The following PCDH11X variants were observed in gnomAD, a reference collection of about 807,000 sequenced individuals.
PCDH11X encodes the protein protocadherin-11 X-linked.
A neutral mutation model predicts 53.3 loss-of-function variants in PCDH11X; 18 were observed. The ratio of observed to expected loss-of-function variants is 0.34; its 90% confidence interval spans 0.23 to 0.50. PCDH11X has a LOEUF of 0.50. Among genes scored for constraint, PCDH11X ranks in the 20% least tolerant of loss-of-function variants. The pLI is 0.98. For synonymous variants in PCDH11X, 279 were observed against 393.3 expected, an observed-to-expected ratio of 0.71 and a Z score of 3.44; for missense variants, 570 against 1,032.4, an observed-to-expected ratio of 0.55 and a Z score of 6.14.
intron 9 of PCDH11X, among the ~76,000 whole-genome samples, chrX:92,413,671 G>A (rs1351572217): frequency 1.8e-5 from 2 of 109,703 alleles, no homozygotes; most frequent in African/African-American, 3.3e-5. Flanking sequence ...CAGAGTGGCC[G>A]TTGTGACAGG....
intron 6 of PCDH11X, among the ~76,000 whole-genome samples, chrX:92,117,852 G>C (rs34685863): frequency 8.9e-6 from 1 of 111,938 alleles, no homozygotes; most frequent in Admixed American, 9.6e-5. Flanking sequence ...GTTTCTAGCA[G>C]AATGTAGTTC....
chrX:92,598,198 G>GT (rs1925838487), intron 10 of PCDH11X, among the ~76,000 whole-genome samples: 1 of 111,050 alleles, frequency 9.0e-6, no homozygotes, highest in Non-Finnish European at 1.9e-5. Context: ...ATCATATCCA[G>GT]TTAAGAAGCT....
At chrX:92,285,246 A>ATTTT (rs36047305) in intron 8 of PCDH11X, among the ~76,000 whole-genome samples, 3 of 40,762 alleles carry the variant, frequency 7.4e-5, no homozygotes, top group Admixed American at 3.2e-4. Context: ...AGACTGTAGA[A>ATTTT]TTTTTTTTTT....
Position 92,256,218 on chromosome X carries a change from G to A in PCDH11X, c.3115-6896G>A, listed in dbSNP as rs764354454. Among the ~76,000 whole-genome samples, 23 of 111,674 alleles carry A rather than the reference G, an allele frequency of 2.1e-4. No individual in the cohort carries two copies. In the South Asian group the frequency reaches 7.6e-3, roughly 37 times the overall value. ...TTTCCCGATTTTCCAGGTGCCGTCC[G>A]TCACCCCTTTCTTTGATTAGGAAAG... On this transcript the variant is annotated intron_variant, in intron 7 of 10. Transcript: ENST00000682573.
intron 8 of PCDH11X, among the ~76,000 whole-genome samples, chrX:92,320,394 A>ATC (rs900271744): frequency 3.7e-5 from 4 of 108,964 alleles, no homozygotes; most frequent in Non-Finnish European, 5.7e-5. Context: ...TGATCTCATG[A>ATC]TCTCTCTCTC....
chrX:92,504,765 C>T (rs775441704), intron 10 of PCDH11X, among the ~76,000 whole-genome samples: 39 of 112,143 alleles, frequency 3.5e-4, no homozygotes, highest in Non-Finnish European at 6.0e-4. Context: ...CTGCCATGAG[C>T]AGTGTATATG....
At chrX:92,082,218 T>C (rs2063869563) in intron 6 of PCDH11X, among the ~76,000 whole-genome samples, 1 of 108,600 alleles carries the variant, frequency 9.2e-6, no homozygotes. Flanking sequence ...AAATAAAGGT[T>C]TTAGTTTACA....
intron 6 of PCDH11X, among the ~76,000 whole-genome samples, chrX:91,962,562 A>G (rs1465322078): frequency 2.7e-5 from 3 of 111,655 alleles, no homozygotes; most frequent in African/African-American, 9.8e-5. Context: ...TTCCAGGTGC[A>G]TGATGCAAGC....
chrX:92,436,469 A>T (rs1406423744), intron 9 of PCDH11X, among the ~76,000 whole-genome samples: 1 of 112,023 alleles, frequency 8.9e-6, no homozygotes, highest in African/African-American at 3.2e-5. Context: ...CAATCCCATT[A>T]CTGGGTGTAT....
At chrX:92,614,283 T>C (rs1364945403) in intron 10 of PCDH11X, among the ~76,000 whole-genome samples, 3 of 111,473 alleles carry the variant, frequency 2.7e-5, no homozygotes, top group African/African-American at 9.8e-5. Context: ...TTTTGTAATT[T>C]TGTGTTAGGA....
intron 8 of PCDH11X, among the ~76,000 whole-genome samples, chrX:92,283,612 C>T (rs926826455): frequency 2.0e-4 from 22 of 111,711 alleles, no homozygotes; most frequent in Admixed American, 8.6e-4. Flanking sequence ...TTCTACAAAT[C>T]GTATGATTTT....
At chrX:92,383,522 G>T (rs2070936883) in intron 8 of PCDH11X, among the ~76,000 whole-genome samples, 1 of 109,992 alleles carries the variant, frequency 9.1e-6, no homozygotes, top group Non-Finnish European at 1.9e-5. Context: ...TTCCCTCCCT[G>T]TGTCCATATG....
At chrX:91,893,845 A>C (rs777567893) in intron 6 of PCDH11X, among the ~76,000 whole-genome samples, 1 of 111,581 alleles carries the variant, frequency 9.0e-6, no homozygotes, top group Non-Finnish European at 1.9e-5. Flanking sequence ...TATATATATA[A>C]AATTTTAAGG....
intron 10 of PCDH11X, among the ~76,000 whole-genome samples, chrX:92,609,583 T>C (rs1000428621): frequency 8.9e-6 from 1 of 111,823 alleles, no homozygotes; most frequent in Non-Finnish European, 1.9e-5. Flanking sequence ...AGTTTTTTAA[T>C]TGAGTTCTTC....
intron 6 of PCDH11X, among the ~76,000 whole-genome samples, chrX:91,985,541 A>G (rs968055277): frequency 1.8e-5 from 2 of 112,171 alleles, no homozygotes; most frequent in African/African-American, 6.5e-5. Flanking sequence ...AAATAAATAA[A>G]AAGTTTAATT....
At chrX:92,508,465 C>A (rs997872398) in intron 10 of PCDH11X, among the ~76,000 whole-genome samples, 2 of 110,852 alleles carry the variant, frequency 1.8e-5, no homozygotes, top group Non-Finnish European at 3.8e-5. Flanking sequence ...TCGTGATCCA[C>A]CTGCCTCAGC....
chrX:92,111,789 A>G (rs182155722), intron 6 of PCDH11X, among the ~76,000 whole-genome samples: 2,377 of 109,466 alleles, frequency 0.022, 62 homozygotes, highest in African/African-American at 0.073. Flanking sequence ...ACAGAGTCTC[A>G]CTCTGTCGCC....
At chrX:92,117,459 T>C (rs1178022289) in intron 6 of PCDH11X, among the ~76,000 whole-genome samples, 2 of 109,181 alleles carry the variant, frequency 1.8e-5, no homozygotes, top group African/African-American at 6.7e-5. Flanking sequence ...AGTAATACCA[T>C]ATTCACACAA....
At chrX:92,617,304 TA>T (rs1273626832) in intron 10 of PCDH11X, among the ~76,000 whole-genome samples, 4 of 112,001 alleles carry the variant, frequency 3.6e-5, no homozygotes, top group Non-Finnish European at 7.5e-5. Context: ...ACTGATTTTC[TA>T]TTTTTTCCAT....
Sources: gnomAD v4.1 joint callset for allele counts (sites outside exome capture counted in the v4.1 genomes callset) on GRCh38, gnomAD v4.1.1 for gene constraint, MANE v1.5 for transcripts, NCBI Gene and HGNC (gene_info 2026-07-23, HGNC 2026-07-21) for gene names.